Variants in FBXL18 observed in about 807,000 individuals in gnomAD.
FBXL18 encodes F-box and leucine rich repeat protein 18.
A neutral mutation model predicts 46.0 loss-of-function variants in FBXL18; 36 were observed. The observed-to-expected ratio is 0.78, with a 90% CI of 0.60 to 1.03. The LOEUF (loss-of-function observed/expected upper bound fraction) is 1.03. Among genes scored for constraint, FBXL18 ranks in the 50% least tolerant of loss-of-function variants. The pLI, the probability that FBXL18 is intolerant of heterozygous loss-of-function variation, is 0.00. For missense variants in FBXL18, 977 were observed against 1,004.1 expected, an observed-to-expected ratio of 0.97 and a Z score of 0.36; for synonymous variants, 557 against 465.3, an observed-to-expected ratio of 1.20 and a Z score of -2.54.
intron 4 of FBXL18, among the ~76,000 whole-genome samples, chr7:5,462,422 G>A (rs1783260613): frequency 6.6e-6 from 1 of 152,166 alleles, no homozygotes; most frequent in South Asian, 2.1e-4. Context: ...CTGTTGGCAC[G>A]CATTTCCTTT....
At chr7:5,510,432 C>T (rs1784502600) in intron 1 of FBXL18, among the ~76,000 whole-genome samples, 1 of 151,258 alleles carries the variant, frequency 6.6e-6, no homozygotes, top group Admixed American at 6.6e-5. Context: ...GCCTGTAATC[C>T]CAGCACTTTG....
At position 5,513,784 on chromosome 7, in the gene FBXL18, G is replaced by A. The variant is rs1461146442; in HGVS notation, c.-110C>T. 2.1e-6 allele frequency: 3 copies of A among 1,444,564 alleles called. No individual in the cohort carries two copies. Among genetic ancestry groups the A allele is most frequent in the East Asian group, 5.0e-5 (2 of 39,796 alleles). 89.5% of individuals were successfully genotyped at this position (1,444,564 alleles called of 1,614,324 possible). A position where few individuals can be genotyped will look rare whatever the true frequency, so the allele number is the denominator to read the frequency against. ...CGTCCACCGCTCAACCGAGACCCCG[G>A]CAAGGAGCGGGCTCTCGTCACTTCC... is the stretch of plus-strand genomic sequence containing the variant. On this transcript the variant is annotated 5_prime_UTR_variant, in exon 1 of 5. Coordinates refer to ENST00000382368, the MANE Select transcript of FBXL18 (RefSeq NM_024963.6).
rs554341855 is a variant in FBXL18 at position 5,459,946 on chromosome 7, T to G, written c.2001-12103A>C. 2.2e-4 allele frequency among the ~76,000 whole-genome samples: 34 copies of G among 151,862 alleles called. No homozygotes were observed. In the South Asian group the frequency reaches 6.9e-3, roughly 31 times the overall value. Reference sequence around the variant, plus strand: ...TAAATAAATAAATGGCACAAGGGCATAGCAGTCACCTGATGAGTCACGCAG... The same window carrying G: ...TAAATAAATAAATGGCACAAGGGCAGAGCAGTCACCTGATGAGTCACGCAG... On this transcript the variant is annotated intron_variant and NMD_transcript_variant, in intron 4 of 6. Coordinates refer to the FBXL18 transcript ENST00000415009.
intron 3 of FBXL18, among the ~76,000 whole-genome samples, chr7:5,495,648 G>A (rs1784057326): frequency 2.0e-5 from 3 of 152,204 alleles, no homozygotes; most frequent in African/African-American, 7.2e-5. Flanking sequence ...TGCCACCAAA[G>A]AGACTCCGGC....
At chr7:5,488,708 C>A (rs968463443) in intron 4 of FBXL18, among the ~76,000 whole-genome samples, 9 of 152,186 alleles carry the variant, frequency 5.9e-5, no homozygotes, top group Admixed American at 2.6e-4. Flanking sequence ...GGAGCCCAGC[C>A]GCAAGCGCAA....
intron 3 of FBXL18, among the ~76,000 whole-genome samples, chr7:5,498,012 T>G (rs1259443777): frequency 1.3e-5 from 2 of 151,744 alleles, no homozygotes; most frequent in South Asian, 4.2e-4. Context: ...CCCCACCCAG[T>G]CCCTGGTAGT....
In FBXL18 at chr7:5,500,735, G is replaced by A; in HGVS notation, c.1534C>T (p.Pro512Ser). Residue 512 changes from proline (P) to serine (S), a missense_variant, in exon 3 of 5, where the codon CCC becomes TCC. By Grantham distance (74) the Pro-to-Ser change is moderately conservative. Transcript: ENST00000382368. Reference sequence around the variant, plus strand: ...CCGACACTCTGTGCGCGGCTGCAGGGTGGGAGCGAGTTGCGGATGGCGGGC... The same window carrying A: ...CCGACACTCTGTGCGCGGCTGCAGGATGGGAGCGAGTTGCGGATGGCGGGC... ...NEPAIRNSLP[P>S]CSRAQSVGDS... The A allele has an allele frequency of 6.2e-7, 1 of 1,612,496 alleles. No individual in the cohort carries two copies. Among genetic ancestry groups the A allele is most frequent in the Non-Finnish European group, 8.5e-7 (1 of 1,179,700 alleles).
chr7:5,464,790 G>A (rs956998539), intron 4 of FBXL18, among the ~76,000 whole-genome samples: 12 of 148,884 alleles, frequency 8.1e-5, no homozygotes, highest in East Asian at 2.0e-4. Context: ...GTGGCTGGGC[G>A]TGGTGGCTCA....
rs1401461385 is a variant in FBXL18, at chr7:5,500,786, A to G, written c.1483T>C (p.Phe495Leu). 1.2e-6 allele frequency: 2 copies of G among 1,612,612 alleles called. No homozygotes were observed. The highest frequency in any genetic ancestry group is 2.2e-5 in the East Asian group (1 of 44,864). Residue 495 changes from phenylalanine to leucine, a missense_variant, in exon 3 of 5, where the codon TTC (phenylalanine) becomes CTC (leucine). Transcript: ENST00000382368. ...TCGTTGCGGGGCATGGCGGAGGAGA[A>G]GTTGGACCCAATCAGCTCGAGGTGT... The part of the protein sequence containing the change: ...LEHLELIGSN[F>L]SSAMPRNEPA...
At chr7:5,465,198 C>G (rs1407981953) in intron 4 of FBXL18, among the ~76,000 whole-genome samples, 7 of 151,992 alleles carry the variant, frequency 4.6e-5, no homozygotes, top group Non-Finnish European at 7.4e-5. Flanking sequence ...ATGATAGGTA[C>G]GATTTTATTG....
intron 1 of FBXL18, among the ~76,000 whole-genome samples, chr7:5,510,686 C>CA (rs35968318): frequency 0.017 from 1,598 of 96,666 alleles, 22 homozygotes; most frequent in Middle Eastern, 0.036. Flanking sequence ...ATCCTGTCTC[C>CA]AAAAAAAAAA....
In FBXL18 at chr7:5,480,097, C is replaced by T. The variant is rs1324495144; in HGVS notation, c.*1678G>A. Among the ~76,000 whole-genome samples the T allele has an allele frequency of 1.3e-5, 2 of 152,206 alleles. No homozygotes were observed. The highest frequency in any genetic ancestry group is 2.4e-5 in the African/African-American group (1 of 41,452). On this transcript the variant is annotated 3_prime_UTR_variant, in exon 5 of 5. Coordinates refer to ENST00000382368, the MANE Select transcript of FBXL18 (RefSeq NM_024963.6). ...GCAAGGAGCTGCTGAAAACCATCCC[C>T]ACTCAGGGGCAGGGCCGGTGATTGG...
At chr7:5,504,211 C>G (rs1478111308) in intron 2 of FBXL18, among the ~76,000 whole-genome samples, 1 of 151,676 alleles carries the variant, frequency 6.6e-6, no homozygotes, top group African/African-American at 2.4e-5. Flanking sequence ...GGGTGGATCA[C>G]TTGAGGTCAG....
chr7:5,491,502 G>A (rs2128235710), intron 3 of FBXL18, 53 bp from the exon 4 acceptor site: 2 of 1,454,130 alleles, frequency 1.4e-6, no homozygotes, highest in Non-Finnish European at 1.8e-6. Flanking sequence ...CGCAGGCCAG[G>A]CCAGCTGGGC....
At position 5,481,544 on chromosome 7, in the gene FBXL18, T is replaced by C; in HGVS notation, c.*231A>G. The C allele has an allele frequency of 2.4e-6, 1 of 411,950 alleles. No homozygotes were observed. Among genetic ancestry groups the C allele is most frequent in the South Asian group, 2.7e-5 (1 of 37,080 alleles). The allele number at this position is 411,950 out of a possible 1,614,324, so 25.5% of individuals were successfully genotyped here. A position where few individuals can be genotyped will look rare whatever the true frequency, so the allele number is the denominator to read the frequency against. ...TTCAGCCAGCCCCCCACATCGACCG[T>C]CCCCCGAGCCCCCTCATGTCACCCA... On this transcript the variant is annotated 3_prime_UTR_variant, in exon 5 of 5. Coordinates refer to ENST00000382368, the MANE Select transcript of FBXL18 (RefSeq NM_024963.6).
In FBXL18 at chr7:5,462,806, C is replaced by T. The variant is rs556917226; in HGVS notation, c.2001-14963G>A. Reference sequence around the variant, plus strand: ...CTCTACTAAAAATACAAAAAATTAGCCAGGTGTGGTGGCGGGCGCCTATAG... The same window carrying T: ...CTCTACTAAAAATACAAAAAATTAGTCAGGTGTGGTGGCGGGCGCCTATAG... On this transcript the variant is annotated intron_variant and NMD_transcript_variant, in intron 4 of 6. Coordinates refer to the FBXL18 transcript ENST00000415009. Among the ~76,000 whole-genome samples the T allele has an allele frequency of 2.0e-5, 3 of 150,318 alleles. No homozygotes were observed. In the South Asian group the frequency reaches 6.4e-4, roughly 32 times the overall value.
chr7:5,498,775 G>A (rs775701021), intron 3 of FBXL18, among the ~76,000 whole-genome samples: 5 of 152,014 alleles, frequency 3.3e-5, no homozygotes, highest in Admixed American at 2.0e-4. Context: ...GTTTTACCAT[G>A]TTGGCCAGAC....
At chr7:5,490,776 C>G (rs973071193) in intron 4 of FBXL18, among the ~76,000 whole-genome samples, 2 of 152,240 alleles carry the variant, frequency 1.3e-5, no homozygotes, top group South Asian at 2.1e-4. Flanking sequence ...ACCAGCCTGA[C>G]CAACATGGTG....
chr7:5,508,286 A>G (rs1395366347), intron 1 of FBXL18, among the ~76,000 whole-genome samples: 6 of 151,220 alleles, frequency 4.0e-5, no homozygotes, highest in African/African-American at 1.5e-4. Flanking sequence ...AAGAAAGAAA[A>G]AAATACAAAA....
Sources: allele counts gnomAD v4.1 joint callset (sites outside exome capture counted in the v4.1 genomes callset), GRCh38; gene constraint gnomAD v4.1.1; transcripts MANE v1.5; gene names NCBI Gene and HGNC (gene_info 2026-07-23, HGNC 2026-07-21).